Variants in COG5 observed in about 807,000 individuals in gnomAD.
COG5 encodes the protein conserved oligomeric Golgi complex subunit 5.
In COG5, 86 loss-of-function variants were observed where a neutral mutation model predicts 110.4. That is an observed-to-expected ratio of 0.78 (90% confidence interval 0.65 to 0.93). COG5 has a LOEUF of 0.93. Ranked by LOEUF, COG5 falls within the 40% of genes least tolerant of loss-of-function variation. The pLI, the probability that COG5 is intolerant of heterozygous loss-of-function variation, is 0.00. For synonymous variants in COG5, 360 were observed against 334.6 expected (o/e 1.08, Z -0.83); for missense variants, 1,077 against 987.0 (o/e 1.09, Z -1.22).
intron 6 of COG5, among the ~76,000 whole-genome samples, chr7:107,414,838 C>T (rs1192265904): frequency 6.7e-6 from 1 of 150,312 alleles, no homozygotes; most frequent in African/African-American, 2.4e-5. Context: ...AGTGATTCCC[C>T]TGCCTCAGCC....
chr7:107,246,719 A>G (rs1018771077), intron 17 of COG5, among the ~76,000 whole-genome samples: 39 of 152,168 alleles, frequency 2.6e-4, no homozygotes, highest in Non-Finnish European at 4.7e-4. Flanking sequence ...AGACAAAAAA[A>G]TAAGATGCTG....
intron 11 of COG5, among the ~76,000 whole-genome samples, chr7:107,299,720 T>C (rs766484352): frequency 1.3e-5 from 2 of 150,880 alleles, no homozygotes; most frequent in African/African-American, 2.4e-5. Flanking sequence ...CTTATCAAGA[T>C]AGGTGCAAGA....
intron 5 of COG5, among the ~76,000 whole-genome samples, chr7:107,540,201 G>T (rs1414361284): frequency 6.6e-6 from 1 of 152,170 alleles, no homozygotes; most frequent in African/African-American, 2.4e-5. Context: ...AACAACAGTA[G>T]AAAGACCTAA....
chr7:107,398,245 T>C (rs1791153281), intron 7 of COG5, among the ~76,000 whole-genome samples: 1 of 152,188 alleles, frequency 6.6e-6, no homozygotes, highest in Non-Finnish European at 1.5e-5. Context: ...AAAATGTATA[T>C]ATCCATAGAA....
intron 5 of COG5, among the ~76,000 whole-genome samples, chr7:107,535,892 A>G (rs1308760178): frequency 6.6e-6 from 1 of 152,240 alleles, no homozygotes; most frequent in Non-Finnish European, 1.5e-5. Flanking sequence ...ATGAACATCA[A>G]TGTGAAAATC....
At chr7:107,284,027 C>T (rs538601876) in intron 12 of COG5, among the ~76,000 whole-genome samples, 2 of 151,918 alleles carry the variant, frequency 1.3e-5, no homozygotes, top group African/African-American at 2.4e-5. Flanking sequence ...TGGGTTCAAG[C>T]GATTCTCCTG....
intron 10 of COG5, among the ~76,000 whole-genome samples, chr7:107,354,560 C>T (rs1812462942): frequency 6.6e-6 from 1 of 152,118 alleles, no homozygotes; most frequent in East Asian, 1.9e-4. Flanking sequence ...CATGTAATCC[C>T]AGCTATTCAG....
intron 6 of COG5, among the ~76,000 whole-genome samples, chr7:107,460,707 A>C (rs1269559429): frequency 6.6e-6 from 1 of 152,110 alleles, no homozygotes; most frequent in Non-Finnish European, 1.5e-5. Context: ...AAATTGGTAA[A>C]CTTGTAGGCA....
Position 107,342,242 on chromosome 7 carries a change from T to C in COG5, c.1027-17721A>G, listed in dbSNP as rs376019736. 1.3e-4 allele frequency among the ~76,000 whole-genome samples: 19 copies of C among 151,126 alleles called. No individual in the cohort carries two copies. The East Asian group carries it at 2.9e-3, about 23-fold the overall frequency. On this transcript the variant is annotated intron_variant, in intron 10 of 21. Coordinates refer to ENST00000297135, the MANE Select transcript of COG5 (RefSeq NM_006348.5). ...AACAGGTACTTCTCAAAAGAAGACATACAAGGAGCCAACAAACATATGAAA... is the reference window on the plus strand; with the variant it reads ...AACAGGTACTTCTCAAAAGAAGACACACAAGGAGCCAACAAACATATGAAA...
chr7:107,381,376 TTTAGG>T (rs1331128620), intron 7 of COG5, among the ~76,000 whole-genome samples: 1 of 152,236 alleles, frequency 6.6e-6, no homozygotes, highest in Non-Finnish European at 1.5e-5. Flanking sequence ...TTCAGTCTTC[TTTAGG>T]TTATATTTTT....
intron 6 of COG5, among the ~76,000 whole-genome samples, chr7:107,444,525 T>TA (rs1794896119): frequency 6.6e-6 from 1 of 152,204 alleles, no homozygotes; most frequent in Non-Finnish European, 1.5e-5. Context: ...TTTCACCCCC[T>TA]ACTTTATTTA....
chr7:107,431,000 A>C (rs1287315744), intron 6 of COG5, among the ~76,000 whole-genome samples: 3 of 152,196 alleles, frequency 2.0e-5, no homozygotes, highest in Non-Finnish European at 1.5e-5. Flanking sequence ...AAAAACCAAA[A>C]AAACAAACAA....
intron 6 of COG5, among the ~76,000 whole-genome samples, chr7:107,481,100 T>C (rs767414372): frequency 2.0e-5 from 3 of 152,164 alleles, no homozygotes; most frequent in Non-Finnish European, 2.9e-5. Context: ...TCCCTGCCAC[T>C]ATCAAACCCC....
chr7:107,553,110 G>GAGGAGGGAGTACCTC (rs1222924225), intron 3 of COG5, among the ~76,000 whole-genome samples: 1 of 152,140 alleles, frequency 6.6e-6, no homozygotes, highest in Non-Finnish European at 1.5e-5. Flanking sequence ...GGGACTACTA[G>GAGGAGGGAGTACCTC]AGGAGGGAGT....
At chr7:107,244,760 T>C (rs1000226162) in intron 17 of COG5, among the ~76,000 whole-genome samples, 1 of 152,118 alleles carries the variant, frequency 6.6e-6, no homozygotes, top group African/African-American at 2.4e-5. Context: ...AGGAAACTGA[T>C]TCCCTGAACA....
intron 6 of COG5, among the ~76,000 whole-genome samples, chr7:107,490,925 G>T (rs189824469): frequency 6.6e-6 from 1 of 151,998 alleles, no homozygotes; most frequent in Non-Finnish European, 1.5e-5. Context: ...TATGAATACG[G>T]TGTTGTTCTC....
chr7:107,322,904 T>C (rs770980978), intron 11 of COG5, among the ~76,000 whole-genome samples: 5 of 152,212 alleles, frequency 3.3e-5, no homozygotes, highest in Non-Finnish European at 7.3e-5. Flanking sequence ...ACTACCGATA[T>C]ATGCAACAAC....
rs539565524 is a variant in COG5, at chr7:107,353,184, G to A, written c.1026+8849C>T. Reference sequence around the variant, plus strand: ...TTCACGCCTGTAATCCCAGCACTTTGGGAGGCCGAGGTGGGCGGATCACAA... The same window carrying A: ...TTCACGCCTGTAATCCCAGCACTTTAGGAGGCCGAGGTGGGCGGATCACAA... On this transcript the variant is annotated intron_variant, in intron 10 of 21. Coordinates refer to ENST00000297135, the MANE Select transcript of COG5 (RefSeq NM_006348.5). 6.6e-5 allele frequency among the ~76,000 whole-genome samples: 10 copies of A among 152,232 alleles called. No homozygotes were observed. In the South Asian group the frequency reaches 1.9e-3, roughly 28 times the overall value.
chr7:107,490,691 T>A, intron 6 of COG5, among the ~76,000 whole-genome samples: 1 of 152,170 alleles, frequency 6.6e-6, no homozygotes, highest in East Asian at 1.9e-4. Flanking sequence ...TTCCTAACAG[T>A]CCTCTGAAAC....
Sources: gnomAD v4.1 joint callset for allele counts (sites outside exome capture counted in the v4.1 genomes callset) on GRCh38, gnomAD v4.1.1 for gene constraint, MANE v1.5 for transcripts, NCBI Gene and HGNC (gene_info 2026-07-23, HGNC 2026-07-21) for gene names.